The following CARMIL1 variants were observed in gnomAD, a reference collection of about 807,000 sequenced individuals.
CARMIL1 encodes the protein F-actin-uncapping protein LRRC16A.
Under a neutral mutation model 177.1 loss-of-function variants are expected in CARMIL1, and 90 were observed. The ratio of observed to expected loss-of-function variants is 0.51; its 90% CI spans 0.43 to 0.61. The LOEUF (loss-of-function observed/expected upper bound fraction) is 0.61. Among genes scored for constraint, CARMIL1 ranks in the 20% least tolerant of loss-of-function variants. CARMIL1 has a pLI of 0.00. For missense variants in CARMIL1, 1,380 were observed against 1,667.0 expected (o/e 0.83, Z 3.00); for synonymous variants, 577 against 606.2 (o/e 0.95, Z 0.71).
chr6:25,617,314 C>T (rs1759354700), intron 36 of CARMIL1, among the ~76,000 whole-genome samples: 1 of 152,094 alleles, frequency 6.6e-6, no homozygotes. Context: ...GTGACATAAA[C>T]ATTTTTGGTT....
intron 2 of CARMIL1, among the ~76,000 whole-genome samples, chr6:25,347,675 C>T (rs1787660252): frequency 6.6e-6 from 1 of 152,168 alleles, no homozygotes. Context: ...CCCATATACC[C>T]TTTACTCAGC....
chr6:25,560,779 T>C (rs1265569395), intron 29 of CARMIL1, among the ~76,000 whole-genome samples: 4 of 152,324 alleles, frequency 2.6e-5, no homozygotes, highest in Admixed American at 1.3e-4. Context: ...TTGATTTCTG[T>C]AAAATAGGTG....
At position 25,560,255 on chromosome 6, in the gene CARMIL1, C is replaced by T. The variant is rs182953843; in HGVS notation, c.2742+3405C>T. Among the ~76,000 whole-genome samples the T allele has an allele frequency of 2.6e-5, 4 of 152,016 alleles. No homozygotes were observed. In the East Asian group the frequency reaches 7.7e-4, roughly 29 times the overall value. ...TCAGAAAAGGGAATTTTGTTTGTTT[C>T]CCATAAGATAAATGATCTTTTTCTT... On this transcript the variant is annotated intron_variant, in intron 29 of 36. Transcript: ENST00000329474.
chr6:25,400,843 A>C (rs1049481411), intron 2 of CARMIL1, among the ~76,000 whole-genome samples: 2 of 152,112 alleles, frequency 1.3e-5, no homozygotes, highest in Non-Finnish European at 2.9e-5. Flanking sequence ...AACATATATA[A>C]AGCCTCTGCC....
chr6:25,561,283 A>C (rs1045335701), intron 29 of CARMIL1, among the ~76,000 whole-genome samples: 1 of 152,182 alleles, frequency 6.6e-6, no homozygotes, highest in African/African-American at 2.4e-5. Flanking sequence ...ACCATCTTTA[A>C]AAAATAGCAG....
intron 2 of CARMIL1, among the ~76,000 whole-genome samples, chr6:25,409,114 A>G (rs1228871376): frequency 6.6e-6 from 1 of 152,206 alleles, no homozygotes; most frequent in Non-Finnish European, 1.5e-5. Context: ...CCATATAGAA[A>G]TGGAAATTCT....
chr6:25,321,185 T>C (rs1784647240), intron 2 of CARMIL1, among the ~76,000 whole-genome samples: 2 of 152,322 alleles, frequency 1.3e-5, no homozygotes, highest in South Asian at 4.1e-4. Context: ...TAGCATAGTA[T>C]ATGATATTTG....
At chr6:25,452,422 C>T (rs6935226) in intron 8 of CARMIL1, 62,045 of 565,322 alleles carry the variant, frequency 0.11, 4,140 homozygotes, top group African/African-American at 0.23. Flanking sequence ...TAGAAGTTTA[C>T]AGTCCTCCAG....
At chr6:25,469,101 A>G (rs1339744471) in intron 9 of CARMIL1, among the ~76,000 whole-genome samples, 1 of 152,214 alleles carries the variant, frequency 6.6e-6, no homozygotes, top group Non-Finnish European at 1.5e-5. Context: ...CATAATGTAA[A>G]TTGTAGGCAT....
At chr6:25,408,575 A>G (rs997939320) in intron 2 of CARMIL1, among the ~76,000 whole-genome samples, 4 of 152,168 alleles carry the variant, frequency 2.6e-5, no homozygotes, top group Admixed American at 6.5e-5. Flanking sequence ...CCCATATTTT[A>G]CAGATGAGGA....
At chr6:25,522,888 CA>C (rs1334831929) in intron 23 of CARMIL1, among the ~76,000 whole-genome samples, 7 of 152,296 alleles carry the variant, frequency 4.6e-5, no homozygotes, top group East Asian at 3.9e-4. Context: ...TGGCTCACTG[CA>C]GCCTCAACCA....
chr6:25,491,889 A>G (rs1803273779), intron 14 of CARMIL1, 59 bp from the exon 15 acceptor site: 2 of 1,570,080 alleles, frequency 1.3e-6, no homozygotes, highest in South Asian at 1.1e-5. Flanking sequence ...GACCTCTAAT[A>G]AAAGATTCTC....
intron 2 of CARMIL1, among the ~76,000 whole-genome samples, chr6:25,341,458 T>C (rs1048974760): frequency 6.6e-6 from 1 of 152,240 alleles, no homozygotes; most frequent in Non-Finnish European, 1.5e-5. Flanking sequence ...GCATGGTGGC[T>C]CATGCCTATA....
At chr6:25,478,272 T>G (rs1441449344) in intron 11 of CARMIL1, among the ~76,000 whole-genome samples, 8 of 152,146 alleles carry the variant, frequency 5.3e-5, no homozygotes. Flanking sequence ...GTTTTAGGTC[T>G]TTCATGTCTC....
intron 2 of CARMIL1, among the ~76,000 whole-genome samples, chr6:25,354,999 T>C (rs887655435): frequency 6.6e-6 from 1 of 152,184 alleles, no homozygotes; most frequent in African/African-American, 2.4e-5. Flanking sequence ...GCGAGTCTAC[T>C]GACAGAGACC....
chr6:25,444,461 G>A (rs1798038930), intron 5 of CARMIL1, among the ~76,000 whole-genome samples: 1 of 151,764 alleles, frequency 6.6e-6, no homozygotes, highest in African/African-American at 2.4e-5. Context: ...TGCCATGCTG[G>A]TTTGCTACAC....
rs549428800 is a variant in CARMIL1, at chr6:25,392,020, G to GT, written c.139-28087dup. Among the ~76,000 whole-genome samples the GT allele has an allele frequency of 2.1e-4, 32 of 151,066 alleles. No individual in the cohort carries two copies. In the East Asian group the frequency reaches 5.2e-3, roughly 25 times the overall value. Reference sequence around the variant, plus strand: ...AAATATCTGCAATTCATCTTAGGCTGTTTTTTTGTGTGTATGCATGTGTGT... The same window carrying GT: ...AAATATCTGCAATTCATCTTAGGCTGTTTTTTTTGTGTGTATGCATGTGTGT... On this transcript the variant is annotated intron_variant, in intron 2 of 36. Coordinates refer to ENST00000329474, the MANE Select transcript of CARMIL1 (RefSeq NM_017640.6).
chr6:25,279,956 G>A, intron 1 of CARMIL1, 121 bp downstream of exon 1: 1 of 1,185,934 alleles, frequency 8.4e-7, no homozygotes, highest in Non-Finnish European at 1.3e-6. Context: ...AGGGCAGAGT[G>A]GTGTTGGGCA....
intron 4 of CARMIL1, among the ~76,000 whole-genome samples, chr6:25,426,991 A>G (rs1185959326): frequency 6.6e-6 from 1 of 152,118 alleles, no homozygotes; most frequent in Non-Finnish European, 1.5e-5. Context: ...AAAGTGTACA[A>G]TTTGATAAGT....
Sources: gnomAD v4.1 joint callset for allele counts (sites outside exome capture counted in the v4.1 genomes callset) on GRCh38, gnomAD v4.1.1 for gene constraint, MANE v1.5 for transcripts, NCBI Gene and HGNC (gene_info 2026-07-23, HGNC 2026-07-21) for gene names.